CMIP: variants seen among roughly 807,000 people sequenced by gnomAD.
The protein encoded by CMIP is c-Maf inducing protein, also known as C-Maf-inducing protein.
In CMIP, 13 loss-of-function variants were observed where a neutral mutation model predicts 97.3. That is an observed-to-expected ratio of 0.13 (90% CI 0.09 to 0.21). The LOEUF is 0.21. Among genes scored for constraint, CMIP ranks in the 10% least tolerant of loss-of-function variants. CMIP has a pLI of 1.00. For synonymous variants in CMIP, 538 were observed against 436.3 expected, an observed-to-expected ratio of 1.23 and a Z score of -2.91; for missense variants, 847 against 1,024.9, an observed-to-expected ratio of 0.83 and a Z score of 2.37.
intron 14 of CMIP, 28 bp from the exon 15 acceptor site, chr16:81,699,657 C>A: frequency 6.8e-7 from 1 of 1,475,302 alleles, no homozygotes; most frequent in Non-Finnish European, 9.5e-7. Flanking sequence ...TGTCTCTGTC[C>A]CTTCACCTGG....
intron 5 of CMIP, among the ~76,000 whole-genome samples, chr16:81,660,345 C>G (rs942421142): frequency 2.0e-5 from 3 of 151,796 alleles, no homozygotes; most frequent in African/African-American, 7.3e-5. Context: ...AGGAACTCGG[C>G]TCACTGCAAC....
intron 1 of CMIP, among the ~76,000 whole-genome samples, chr16:81,580,724 C>G (rs1278355272): frequency 6.6e-6 from 1 of 151,860 alleles, no homozygotes; most frequent in Admixed American, 6.6e-5. Context: ...GCGTGAGCCA[C>G]TGCTCCTGGT....
At chr16:81,563,268 G>C (rs745496370) in intron 1 of CMIP, among the ~76,000 whole-genome samples, 79 of 152,246 alleles carry the variant, frequency 5.2e-4, no homozygotes, top group Non-Finnish European at 8.7e-4. Flanking sequence ...CCTTGAGAGG[G>C]TCATCTTGGC....
In CMIP at chr16:81,487,008, C is replaced by T. The variant is rs543290618; in HGVS notation, c.300+41467C>T. Among the ~76,000 whole-genome samples, 21 of 152,372 alleles carry T rather than the reference C, an allele frequency of 1.4e-4. No homozygotes were observed. In the South Asian group the frequency reaches 4.1e-3, roughly 30 times the overall value. On this transcript the variant is annotated intron_variant, in intron 1 of 20. Transcript: ENST00000537098. Reference sequence around the variant, plus strand: ...CCGTGAGGGAAGCTTCTGGAGGGAGCGTGGGACTGGGGTGGGGGCAGCTGG... The same window carrying T: ...CCGTGAGGGAAGCTTCTGGAGGGAGTGTGGGACTGGGGTGGGGGCAGCTGG...
At chr16:81,603,855 C>G (rs758155445) in intron 1 of CMIP, among the ~76,000 whole-genome samples, 16 of 152,180 alleles carry the variant, frequency 1.1e-4, no homozygotes, top group Non-Finnish European at 2.1e-4. Flanking sequence ...TGATTGCGTT[C>G]TTTAGTTTGT....
At chr16:81,681,839 C>T (rs770741383) in intron 10 of CMIP, among the ~76,000 whole-genome samples, 1 of 152,124 alleles carries the variant, frequency 6.6e-6, no homozygotes, top group Non-Finnish European at 1.5e-5. Flanking sequence ...CATGTCTTCT[C>T]GGAGGACTGC....
chr16:81,700,251 G>A (rs1907246611), intron 15 of CMIP, among the ~76,000 whole-genome samples: 1 of 151,924 alleles, frequency 6.6e-6, no homozygotes, highest in Admixed American at 6.5e-5. Context: ...TGGCGGCTGG[G>A]GCTCCCCAGC....
intron 1 of CMIP, chr16:81,603,338 T>A (rs1004312166): frequency 8.8e-6 from 4 of 453,054 alleles, no homozygotes; most frequent in African/African-American, 8.0e-5. Flanking sequence ...CACCTTGGCC[T>A]CCCAAAGTGC....
At chr16:81,573,987 A>T (rs1313470596) in intron 1 of CMIP, among the ~76,000 whole-genome samples, 1 of 150,704 alleles carries the variant, frequency 6.6e-6, no homozygotes, top group Non-Finnish European at 1.5e-5. Flanking sequence ...CCTAGGCTTG[A>T]CCCCTGGAGC....
intron 2 of CMIP, chr16:81,610,367 A>T (rs976582469): frequency 1.0e-6 from 1 of 985,542 alleles, no homozygotes; most frequent in Non-Finnish European, 1.2e-6. Flanking sequence ...CCACTTGCTC[A>T]CTGCCCCCTG....
chr16:81,603,232 A>C (rs901607893), intron 1 of CMIP, among the ~76,000 whole-genome samples: 2 of 152,036 alleles, frequency 1.3e-5, no homozygotes, highest in African/African-American at 4.8e-5. Flanking sequence ...GGCACCCGCC[A>C]CCACGCCTGG....
At chr16:81,529,556 G>A (rs1236790668) in intron 1 of CMIP, among the ~76,000 whole-genome samples, 2 of 152,160 alleles carry the variant, frequency 1.3e-5, no homozygotes, top group Admixed American at 6.5e-5. Flanking sequence ...GGAATATGCT[G>A]CCTGCAGGAT....
At chr16:81,447,906 C>G (rs1905959706) in intron 1 of CMIP, among the ~76,000 whole-genome samples, 2 of 152,304 alleles carry the variant, frequency 1.3e-5, no homozygotes, top group South Asian at 4.1e-4. Context: ...CATCATGAGA[C>G]ACCTGGTTGG....
At position 81,613,003 on chromosome 16, in the gene CMIP, C is replaced by T. The variant is rs897768869; in HGVS notation, c.426+5311C>T. ...GACCCTTCCCCCAGCTGGAACGCAG[C>T]CTGGTCAGCTTTCCCTTTGCTTGGA... On this transcript the variant is annotated intron_variant, in intron 2 of 20. Transcript: ENST00000537098. Among the ~76,000 whole-genome samples the T allele has an allele frequency of 9.8e-5, 15 of 152,318 alleles. No homozygotes were observed. In the South Asian group the frequency reaches 2.7e-3, roughly 27 times the overall value.
chr16:81,607,699 G>T lies in CMIP; in HGVS notation c.426+7G>T, dbSNP rs2091767705. Reference sequence around the variant, plus strand: ...GGGAACTGTCTTACTGCAGGTAGGAGAAATAAACATGAACAAGCAGTTTCT... The same window carrying T: ...GGGAACTGTCTTACTGCAGGTAGGATAAATAAACATGAACAAGCAGTTTCT... On this transcript the variant is annotated splice_region_variant and intron_variant, in intron 2 of 20. Coordinates refer to ENST00000537098, the MANE Select transcript of CMIP (RefSeq NM_198390.3). 1 of 1,612,502 alleles carries T rather than the reference G, an allele frequency of 6.2e-7. No homozygotes were observed. The highest frequency in any genetic ancestry group is 1.7e-5 in the Admixed American group (1 of 59,954).
intron 1 of CMIP, among the ~76,000 whole-genome samples, chr16:81,463,250 C>G (rs188388649): frequency 6.6e-6 from 1 of 152,158 alleles, no homozygotes; most frequent in Non-Finnish European, 1.5e-5. Context: ...CTTTGTTTCT[C>G]CCCAGGTTGG....
chr16:81,459,108 C>G (rs2150736425), intron 1 of CMIP, among the ~76,000 whole-genome samples: 1 of 152,256 alleles, frequency 6.6e-6, no homozygotes, highest in South Asian at 2.1e-4. Flanking sequence ...GCTACCGCTT[C>G]TCTTGTGTTG....
rs2091913219 is a variant in CMIP, at chr16:81,616,032, G to C, written c.427-4844G>C. Among the ~76,000 whole-genome samples, 1 of 152,066 alleles carries C rather than the reference G, an allele frequency of 6.6e-6. No individual in the cohort carries two copies. Among genetic ancestry groups the C allele is most frequent in the Non-Finnish European group, 1.5e-5 (1 of 67,996 alleles). On this transcript the variant is annotated intron_variant, in intron 2 of 20. Coordinates refer to ENST00000537098, the MANE Select transcript of CMIP (RefSeq NM_198390.3). The surrounding 1 kb of genome is among the most constrained non-coding windows in gnomAD (Gnocchi z 4.7). ...GGGCAGAAGGAGCCGGGCGCGGTGG[G>C]TGGGAGATCTTGGCTGTCTCTGCCT...
rs1316451120 is a variant in CMIP at position 81,616,277 on chromosome 16, G to A, written c.427-4599G>A. ...AATACCCAGCCAGCCTCAGGGTGTG[G>A]GCCGAGGGCTTGAAGAAGTGGCCGC... On this transcript the variant is annotated intron_variant, in intron 2 of 20. Transcript: ENST00000537098. The surrounding 1 kb of genome is among the most constrained non-coding windows in gnomAD (Gnocchi z 4.7). 2.0e-5 allele frequency among the ~76,000 whole-genome samples: 3 copies of A among 152,094 alleles called. No individual in the cohort carries two copies. Among genetic ancestry groups the A allele is most frequent in the African/African-American group, 7.2e-5 (3 of 41,396 alleles).
Sources: allele counts gnomAD v4.1 joint callset (sites outside exome capture counted in the v4.1 genomes callset), GRCh38; gene constraint gnomAD v4.1.1; non-coding constraint Gnocchi (gnomAD v3.1); transcripts MANE v1.5; gene names NCBI Gene and HGNC (gene_info 2026-07-23, HGNC 2026-07-21).